The following EMSY variants were observed in gnomAD, a reference collection of about 807,000 sequenced individuals.
The protein encoded by EMSY is BRCA2-interacting transcriptional repressor EMSY.
A neutral mutation model predicts 134.6 loss-of-function variants in EMSY; 26 were observed. The observed-to-expected ratio is 0.19, with a 90% CI of 0.14 to 0.27. EMSY has a LOEUF of 0.27. Ranked by LOEUF, EMSY falls within the 10% of genes least tolerant of loss-of-function variation. The pLI is 1.00. For synonymous variants in EMSY, 579 were observed against 577.8 expected, an observed-to-expected ratio of 1.00 and a Z score of -0.03; for missense variants, 1,305 against 1,611.4, an observed-to-expected ratio of 0.81 and a Z score of 3.26.
chr11:76,446,842 G>T, intron 1 of EMSY, 58 bp from the exon 2 acceptor site: 1 of 1,087,532 alleles, frequency 9.2e-7, no homozygotes, highest in Non-Finnish European at 1.4e-6. Context: ...CAGGTGAGTG[G>T]CCCCTTGAAT....
At chr11:76,529,770 G>T (rs1300838232) in intron 14 of EMSY, among the ~76,000 whole-genome samples, 4 of 152,146 alleles carry the variant, frequency 2.6e-5, no homozygotes, top group African/African-American at 9.7e-5. Flanking sequence ...ATTATAGAGA[G>T]TGGGTAGTTT....
At position 76,495,285 on chromosome 11, in the gene EMSY, GA is replaced by G. The variant is rs145716905; in HGVS notation, c.1109-924del. ...GTGAGGATGTGGTAGAGAAAGGTGT[GA>G]AAAAACATCCTAAGTACTTGAGAAT... On this transcript the variant is annotated intron_variant, in intron 8 of 20. Coordinates refer to ENST00000334736, the Ensembl canonical transcript of EMSY. Among the ~76,000 whole-genome samples the G allele has an allele frequency of 9.7e-3, 1,477 of 152,262 alleles. 27 individuals carry two copies. Among genetic ancestry groups the G allele is most frequent in the East Asian group, 0.059 (305 of 5,190 alleles).
At chr11:76,475,443 G>A (rs1048965872) in intron 8 of EMSY, among the ~76,000 whole-genome samples, 27 of 152,232 alleles carry the variant, frequency 1.8e-4, no homozygotes, top group African/African-American at 6.5e-4. Context: ...TAGGAACTTA[G>A]GACTTTCTTC....
At chr11:76,519,906 T>C (rs1223414307) in intron 11 of EMSY, among the ~76,000 whole-genome samples, 1 of 152,176 alleles carries the variant, frequency 6.6e-6, no homozygotes, top group Non-Finnish European at 1.5e-5. Context: ...TCTGATATGC[T>C]ACGAGCCAGA....
At chr11:76,466,307 T>C (rs1259732628) in intron 7 of EMSY, among the ~76,000 whole-genome samples, 1 of 152,182 alleles carries the variant, frequency 6.6e-6, no homozygotes, top group Non-Finnish European at 1.5e-5. Context: ...AATTCCTGAG[T>C]CTTTCTGGGG....
chr11:76,513,338 T>G (rs1449871613), intron 9 of EMSY, 48 bp from the exon 11 acceptor site: 1 of 1,592,472 alleles, frequency 6.3e-7, no homozygotes, highest in Non-Finnish European at 8.6e-7. Context: ...ATAAGGGACA[T>G]GTATTTAAAA....
chr11:76,519,020 A>G (rs1441823738), intron 11 of EMSY, among the ~76,000 whole-genome samples: 1 of 151,648 alleles, frequency 6.6e-6, no homozygotes, highest in Non-Finnish European at 1.5e-5. Flanking sequence ...TATTAGAACA[A>G]GTAATTAAAT....
chr11:76,476,275 T>C (rs1483191822), intron 8 of EMSY, among the ~76,000 whole-genome samples: 3 of 152,230 alleles, frequency 2.0e-5, no homozygotes, highest in African/African-American at 7.2e-5. Context: ...TTTTTCCCTT[T>C]AGTGATGTTA....
At chr11:76,448,093 C>T (rs1239690083) in intron 2 of EMSY, among the ~76,000 whole-genome samples, 1 of 152,118 alleles carries the variant, frequency 6.6e-6, no homozygotes, top group Non-Finnish European at 1.5e-5. Flanking sequence ...GAGGATAACA[C>T]TCTCTGCCTC....
chr11:76,481,975 G>C (rs1223604459), intron 8 of EMSY, among the ~76,000 whole-genome samples: 2 of 152,162 alleles, frequency 1.3e-5, no homozygotes, highest in Non-Finnish European at 2.9e-5. Context: ...AGTAGGGGTT[G>C]ATAGACACCT....
chr11:76,541,871 T>C (rs959231952), intron 17 of EMSY, among the ~76,000 whole-genome samples: 5 of 152,222 alleles, frequency 3.3e-5, no homozygotes, highest in African/African-American at 9.6e-5. Context: ...ATGAAAGTCA[T>C]TGGAGAAAGT....
At chr11:76,474,970 C>T (rs1271847757) in intron 8 of EMSY, among the ~76,000 whole-genome samples, 1 of 152,016 alleles carries the variant, frequency 6.6e-6, no homozygotes, top group Non-Finnish European at 1.5e-5. Context: ...TGCCGTGTTG[C>T]CCAGGCTGAT....
intron 11 of EMSY, among the ~76,000 whole-genome samples, chr11:76,520,877 T>TA (rs1950616685): frequency 6.6e-6 from 1 of 152,190 alleles, no homozygotes. Context: ...TTTGAAGACA[T>TA]ATTGCTCATG....
At chr11:76,493,759 G>A (rs1285770924) in intron 8 of EMSY, among the ~76,000 whole-genome samples, 1 of 152,222 alleles carries the variant, frequency 6.6e-6, no homozygotes, top group Non-Finnish European at 1.5e-5. Flanking sequence ...TCTCCGCCTT[G>A]CTTACCATCC....
intron 18 of EMSY, 133 bp downstream of exon 19, chr11:76,542,500 A>T (rs1366695466): frequency 3.4e-6 from 4 of 1,168,756 alleles, no homozygotes; most frequent in Non-Finnish European, 4.9e-6. Flanking sequence ...CTAAGAAATG[A>T]GTAGAGGAAA....
At chr11:76,479,031 A>G (rs1948871530) in intron 8 of EMSY, among the ~76,000 whole-genome samples, 1 of 152,042 alleles carries the variant, frequency 6.6e-6, no homozygotes, top group Non-Finnish European at 1.5e-5. Context: ...CCCATGAACT[A>G]TATACCCTTT....
exon 9 of EMSY, chr11:76,496,343 T>C (rs778381474): frequency 1.2e-6 from 2 of 1,614,200 alleles, no homozygotes. Flanking sequence ...GCAGCAGTTA[T>C]ATCAAGTGCA....
intron 7 of EMSY, among the ~76,000 whole-genome samples, chr11:76,471,959 T>C (rs2135346319): frequency 6.6e-6 from 1 of 152,310 alleles, no homozygotes; most frequent in South Asian, 2.1e-4. Flanking sequence ...TACTTCCTTC[T>C]GGTTTCTGTT....
chr11:76,492,466 C>T (rs892188960), intron 8 of EMSY, among the ~76,000 whole-genome samples: 5 of 152,066 alleles, frequency 3.3e-5, no homozygotes, highest in African/African-American at 1.2e-4. Flanking sequence ...GAGCGAGACT[C>T]CATCTCATAA....
Sources: gnomAD v4.1 joint callset for allele counts (sites outside exome capture counted in the v4.1 genomes callset) on GRCh38, gnomAD v4.1.1 for gene constraint, MANE v1.5 for transcripts, NCBI Gene and HGNC (gene_info 2026-07-23, HGNC 2026-07-21) for gene names.